The following FAM209A variants were observed in gnomAD, a reference collection of about 807,000 sequenced individuals.
FAM209A encodes family with sequence similarity 209 member A, also known as protein FAM209A.
A neutral mutation model predicts 9.8 loss-of-function variants in FAM209A; 4 were observed. The ratio of observed to expected loss-of-function variants is 0.41; its 90% CI spans 0.20 to 0.94. The LOEUF (loss-of-function observed/expected upper bound fraction) is 0.94. Ranked by LOEUF, FAM209A falls within the 40% of genes least tolerant of loss-of-function variation. The pLI is 0.32. For missense variants in FAM209A, 205 were observed against 209.4 expected (o/e 0.98, Z 0.13); for synonymous variants, 55 against 77.8 (o/e 0.71, Z 1.54).
chr20:56,525,747 T>A, intron 1 of FAM209A, 57 bp from the exon 2 acceptor site: 1 of 1,563,092 alleles, frequency 6.4e-7, no homozygotes, highest in Admixed American at 1.8e-5. Context: ...TAACACGAAC[T>A]GTGTCAAAAC....
At chr20:56,526,213 G>C (rs562000637), downstream of FAM209A, 51 of 1,211,448 alleles carry the variant, frequency 4.2e-5, no homozygotes, top group Admixed American at 2.3e-4. Flanking sequence ...GTGAATGGGA[G>C]ACCAGTAGCC....
At chr20:56,528,613 T>A (rs1600849759), downstream of FAM209A, among the ~76,000 whole-genome samples, 1 of 150,922 alleles carries the variant, frequency 6.6e-6, no homozygotes, top group African/African-American at 2.4e-5. Context: ...AAAAAAAAAG[T>A]TGGGGTGCTT....
At chr20:56,533,468 C>T in the FAM209A span, 29 of 1,613,982 alleles carry the variant, frequency 1.8e-5, no homozygotes, top group Middle Eastern at 1.6e-4. Context: ...AGAGCACTTT[C>T]GGATTCGGCA....
chr20:56,525,254 A>G (rs957961920), intron 1 of FAM209A, among the ~76,000 whole-genome samples, 197 bp downstream of exon 1: 4 of 152,202 alleles, frequency 2.6e-5, no homozygotes, highest in African/African-American at 9.6e-5. Context: ...ATACTGGGAC[A>G]AAGAGTGGAA....
downstream of FAM209A, among the ~76,000 whole-genome samples, chr20:56,528,228 A>G (rs1985619643): frequency 6.6e-6 from 1 of 151,962 alleles, no homozygotes; most frequent in South Asian, 2.1e-4. Flanking sequence ...GGCTGCAGTG[A>G]GCCATGATTG....
At chr20:56,529,322 C>G (rs1985662313), downstream of FAM209A, among the ~76,000 whole-genome samples, 1 of 150,820 alleles carries the variant, frequency 6.6e-6, no homozygotes, top group African/African-American at 2.4e-5. Context: ...TTCAAGACCA[C>G]CCTGGCCAAC....
chr20:56,530,345 A>C (rs897615776), downstream of FAM209A, among the ~76,000 whole-genome samples: 6 of 152,336 alleles, frequency 3.9e-5, no homozygotes, highest in African/African-American at 1.4e-4. Flanking sequence ...AGGAGCAGAG[A>C]GGACGCTGGC....
At chr20:56,532,837 C>T in the FAM209A span, among the ~76,000 whole-genome samples, 1 of 152,030 alleles carries the variant, frequency 6.6e-6, no homozygotes, top group Non-Finnish European at 1.5e-5. Flanking sequence ...GTGAAATACC[C>T]ACCCCCCACA....
intron 1 of FAM209A, 144 bp downstream of exon 1, chr20:56,525,201 C>CACTTCA: frequency 9.5e-7 from 1 of 1,053,300 alleles, no homozygotes; most frequent in East Asian, 2.4e-5. Context: ...AAATTCACTT[C>CACTTCA]CTGATGTATC....
chr20:56,532,690 G>A, the FAM209A span, among the ~76,000 whole-genome samples: 1 of 151,596 alleles, frequency 6.6e-6, no homozygotes. Flanking sequence ...CACCACGTTG[G>A]ACAGGATGGT....
At chr20:56,525,320 G>A (rs1985475469) in intron 1 of FAM209A, among the ~76,000 whole-genome samples, 1 of 152,180 alleles carries the variant, frequency 6.6e-6, no homozygotes, top group South Asian at 2.1e-4. Context: ...TTTTTCAAAT[G>A]TAGGATAGAT....
At chr20:56,532,970 C>G in the FAM209A span, among the ~76,000 whole-genome samples, 3 of 152,194 alleles carry the variant, frequency 2.0e-5, no homozygotes, top group African/African-American at 7.2e-5. Flanking sequence ...CTCAGCTCCA[C>G]GGGGCACATG....
chr20:56,533,247 A>C, the FAM209A span: 2 of 1,574,726 alleles, frequency 1.3e-6, no homozygotes, highest in Non-Finnish European at 1.7e-6. Flanking sequence ...GGCCTCTGTG[A>C]CATCACCAAG....
chr20:56,529,207 C>A (rs1985657280), downstream of FAM209A, among the ~76,000 whole-genome samples: 1 of 143,952 alleles, frequency 6.9e-6, no homozygotes, highest in Non-Finnish European at 1.5e-5. Context: ...GACCGTATTT[C>A]AAAAAAAAAG....
chr20:56,531,288 CTTCT>C, the FAM209A span, among the ~76,000 whole-genome samples: 2 of 150,502 alleles, frequency 1.3e-5, no homozygotes, highest in African/African-American at 4.9e-5. Context: ...ATTGTTTTTT[CTTCT>C]TTCTTTGTTT....
At chr20:56,529,645 A>G (rs528532739), downstream of FAM209A, among the ~76,000 whole-genome samples, 11 of 152,252 alleles carry the variant, frequency 7.2e-5, no homozygotes, top group Admixed American at 2.0e-4. Context: ...CCTGGCCAAC[A>G]TGGTGAAACC....
rs201407134 is a variant in FAM209A, at chr20:56,524,816, C to T, written c.8C>T (p.Thr3Met). 2.4e-5 allele frequency: 39 copies of T among 1,614,050 alleles called. No homozygotes were observed. The highest frequency in any genetic ancestry group is 5.3e-5 in the African/African-American group (4 of 74,954). The change falls in exon 1 of 2, where the codon ACG (threonine) becomes ATG (methionine). Residue 3 changes from threonine to methionine, a missense_variant. Coordinates refer to ENST00000371328, the MANE Select transcript of FAM209A (RefSeq NM_001012971.4). ...TCCCCATCTCTGCTCACCATGTGGA[C>T]GCTGAAATCGTCCCTGGTCCTGCTT... is the stretch of plus-strand genomic sequence containing the variant. MW[T>M]LKSSLVLLLC... is the part of the protein sequence containing the mutation.
At chr20:56,526,399 A>G (rs1985532280), downstream of FAM209A, among the ~76,000 whole-genome samples, 1 of 152,212 alleles carries the variant, frequency 6.6e-6, no homozygotes, top group African/African-American at 2.4e-5. Context: ...ACTTCCATAC[A>G]AACTCTTGCT....
At chr20:56,525,511 G>A (rs893612277) in intron 1 of FAM209A, among the ~76,000 whole-genome samples, 1 of 152,186 alleles carries the variant, frequency 6.6e-6, no homozygotes, top group Admixed American at 6.6e-5. Context: ...ATGTAAGGTA[G>A]TTTGAGCTGG....
Sources: allele counts gnomAD v4.1 joint callset (sites outside exome capture counted in the v4.1 genomes callset), GRCh38; gene constraint gnomAD v4.1.1; transcripts MANE v1.5; gene names NCBI Gene and HGNC (gene_info 2026-07-23, HGNC 2026-07-21).